NF2: variants seen among roughly 807,000 people sequenced by gnomAD.
NF2 encodes the protein merlin.
NF2 carries 8 observed loss-of-function variants against 83.7 expected under a neutral mutation model. That is an observed-to-expected ratio of 0.10 (90% confidence interval 0.06 to 0.17). The LOEUF is 0.17. Among genes scored for constraint, NF2 ranks in the 10% least tolerant of loss-of-function variants. NF2 has a pLI of 1.00. For missense variants in NF2, 533 were observed against 744.4 expected (o/e 0.72, Z 3.31); for synonymous variants, 266 against 269.6 (o/e 0.99, Z 0.13).
At chr22:29,656,407 CTTTTTTTTTTTT>C (rs59440855) in intron 6 of NF2, among the ~76,000 whole-genome samples, 1 of 81,706 alleles carries the variant, frequency 1.2e-5, no homozygotes, top group Non-Finnish European at 2.3e-5. Context: ...GGGATATATT[CTTTTTTTTTTTT>C]TTTTTTTTTT....
intron 1 of NF2, among the ~76,000 whole-genome samples, chr22:29,608,023 A>G (rs1160302399): frequency 1.3e-5 from 2 of 151,184 alleles, no homozygotes; most frequent in Non-Finnish European, 2.9e-5. Context: ...AAATACAAAA[A>G]TTAGCCAGGC....
At chr22:29,625,259 C>G (rs1049871215) in intron 1 of NF2, among the ~76,000 whole-genome samples, 1 of 152,100 alleles carries the variant, frequency 6.6e-6, no homozygotes, top group Non-Finnish European at 1.5e-5. Flanking sequence ...CTAAGTAATA[C>G]AATCTCTATT....
At chr22:29,671,786 G>A (rs2147070034) in intron 10 of NF2, 40 bp from the exon 11 acceptor site, 2 of 1,612,796 alleles carry the variant, frequency 1.2e-6, no homozygotes, top group African/African-American at 1.3e-5. Flanking sequence ...TAGGTCTCGA[G>A]CCCTGTGATT....
At chr22:29,608,869 G>A (rs1342606548) in intron 1 of NF2, 4 of 457,712 alleles carry the variant, frequency 8.7e-6, no homozygotes, top group Non-Finnish European at 1.6e-5. Flanking sequence ...GAGGGGACTC[G>A]TGGGGTAACT....
At chr22:29,674,027 T>A (rs2066889047) in intron 12 of NF2, among the ~76,000 whole-genome samples, 1 of 152,206 alleles carries the variant, frequency 6.6e-6, no homozygotes, top group Non-Finnish European at 1.5e-5. Context: ...CTGTTGTCTG[T>A]ACTTTTGAAA....
intron 1 of NF2, among the ~76,000 whole-genome samples, chr22:29,629,257 G>A (rs2146811115): frequency 6.6e-6 from 1 of 152,252 alleles, no homozygotes; most frequent in Admixed American, 6.5e-5. Flanking sequence ...GATTATCAGT[G>A]TCAGACATAT....
At chr22:29,661,424 T>C (rs1457421680) in intron 8 of NF2, 85 bp downstream of exon 8, 1 of 1,570,088 alleles carries the variant, frequency 6.4e-7, no homozygotes, top group Non-Finnish European at 8.7e-7. Flanking sequence ...CCAGGGCATC[T>C]CCTTGTTATT....
rs946530181 is a variant in NF2, at chr22:29,632,602, C to T, written c.115-4149C>T. 3.9e-5 allele frequency among the ~76,000 whole-genome samples: 6 copies of T among 152,198 alleles called. No homozygotes were observed. In the East Asian group the frequency reaches 5.8e-4, roughly 15 times the overall value. On this transcript the variant is annotated intron_variant, in intron 1 of 15. Transcript: ENST00000338641. ...CCCCATTTGTCCCCTGCACCTTGGG[C>T]GGTGCTTGGACACAATGTGTGTGTT...
chr22:29,644,012 CG>C (rs1251094012), intron 4 of NF2, among the ~76,000 whole-genome samples: 103 of 104,262 alleles, frequency 9.9e-4, no homozygotes, highest in African/African-American at 3.3e-3. Flanking sequence ...CTGGCCTGGC[CG>C]GGGGGCTGAC....
intron 9 of NF2, among the ~76,000 whole-genome samples, 169 bp from the exon 10 acceptor site, chr22:29,668,164 G>A (rs2066679315): frequency 2.0e-5 from 3 of 152,182 alleles, no homozygotes; most frequent in Non-Finnish European, 4.4e-5. Context: ...TGTTTCCAGA[G>A]CTGACGGCAC....
intron 12 of NF2, among the ~76,000 whole-genome samples, chr22:29,673,949 G>C (rs2066886914): frequency 6.6e-6 from 1 of 152,202 alleles, no homozygotes; most frequent in Non-Finnish European, 1.5e-5. Context: ...CTTGGCACAT[G>C]GGGGAGGAGG....
chr22:29,690,082 C>T (rs1358809463), intron 15 of NF2, among the ~76,000 whole-genome samples: 2 of 152,208 alleles, frequency 1.3e-5, no homozygotes, highest in South Asian at 2.1e-4. Context: ...GGCAGGGCAG[C>T]AGGAGAATGT....
intron 1 of NF2, among the ~76,000 whole-genome samples, chr22:29,615,109 G>T (rs950016542): frequency 1.3e-5 from 2 of 152,060 alleles, no homozygotes; most frequent in Non-Finnish European, 2.9e-5. Flanking sequence ...ACTTGAACTC[G>T]GGAGGTGGAG....
chr22:29,655,654 G>T lies in NF2; in HGVS notation c.577G>T (p.Ala193Ser). The change falls in exon 6 of 16, where the codon GCA (alanine) becomes TCA (serine). Residue 193 changes from alanine (A) to serine (S), a missense_variant. By Grantham distance (99) the Ala-to-Ser change is moderately conservative. Coordinates refer to ENST00000338641, the MANE Select transcript of NF2 (RefSeq NM_000268.4). ...MWEERITAWY[A>S]EHRGRARDEA... ...GGAGGAGAGAATTACTGCTTGGTAC[G>T]CAGAGCACCGAGGCCGAGCCAGGTG... 1 of 1,613,272 alleles carries T rather than the reference G, an allele frequency of 6.2e-7. No homozygotes were observed. The highest frequency in any genetic ancestry group is 8.5e-7 in the Non-Finnish European group (1 of 1,179,870).
intron 1 of NF2, among the ~76,000 whole-genome samples, chr22:29,614,454 C>T (rs575879729): frequency 3.3e-5 from 5 of 151,970 alleles, no homozygotes; most frequent in South Asian, 4.2e-4. Flanking sequence ...TGGTGGCGGG[C>T]GCCTGTAGTC....
intron 4 of NF2, among the ~76,000 whole-genome samples, chr22:29,648,712 G>T (rs1016798801): frequency 6.6e-6 from 1 of 152,174 alleles, no homozygotes; most frequent in Non-Finnish European, 1.5e-5. Flanking sequence ...TGCCTCCCAG[G>T]CTCAAGGGAT....
intron 4 of NF2, among the ~76,000 whole-genome samples, chr22:29,648,104 C>G (rs2066033502): frequency 6.6e-6 from 1 of 150,980 alleles, no homozygotes; most frequent in African/African-American, 2.4e-5. Context: ...GCACTCCAGC[C>G]TGGACGACAG....
At chr22:29,624,827 TTCTTTCTTTCTTTC>T (rs1436174900) in intron 1 of NF2, among the ~76,000 whole-genome samples, 1 of 141,250 alleles carries the variant, frequency 7.1e-6, no homozygotes, top group Non-Finnish European at 1.6e-5. Flanking sequence ...CTTTCTTTCT[TTCTTTCTTTCTTTC>T]TTTCTTTCTT....
intron 8 of NF2, among the ~76,000 whole-genome samples, chr22:29,664,250 G>T (rs933799939): frequency 6.6e-6 from 1 of 151,976 alleles, no homozygotes; most frequent in African/African-American, 2.4e-5. Flanking sequence ...TGGGATTACG[G>T]GTGTGAGCCA....
Sources: gnomAD v4.1 joint callset for allele counts (sites outside exome capture counted in the v4.1 genomes callset) on GRCh38, gnomAD v4.1.1 for gene constraint, MANE v1.5 for transcripts, NCBI Gene and HGNC (gene_info 2026-07-23, HGNC 2026-07-21) for gene names.